The following MID2 variants were observed in gnomAD, a reference collection of about 807,000 sequenced individuals.
The protein encoded by MID2 is midline 2, also known as probable E3 ubiquitin-protein ligase MID2.
Under a neutral mutation model 46.1 loss-of-function variants are expected in MID2, and 13 were observed. That is an observed-to-expected ratio of 0.28 (90% CI 0.18 to 0.45). The LOEUF (loss-of-function observed/expected upper bound fraction) is 0.45. Ranked by LOEUF, MID2 falls within the 20% of genes least tolerant of loss-of-function variation. The pLI is 1.00. For missense variants in MID2, 431 were observed against 575.4 expected (o/e 0.75, Z 2.57); for synonymous variants, 199 against 212.3 (o/e 0.94, Z 0.55).
rs1424306998 is a variant in MID2, at chrX:107,909,413, T to G, written c.1073+3787T>G. The stretch of plus-strand genomic sequence containing the variant: ...CTTTCCCCAGCATTATGCAGTTTCC[T>G]CGCATGCATTTGTTGATCAGTATTC... On this transcript the variant is annotated intron_variant, in intron 5 of 9. Transcript: ENST00000262843. Among the ~76,000 whole-genome samples the G allele has an allele frequency of 2.7e-5, 3 of 111,898 alleles. No homozygotes were observed. The East Asian group carries it at 8.4e-4, about 31-fold the overall frequency.
In MID2 at chrX:107,910,989, G is replaced by A. The variant is rs966703751; in HGVS notation, c.1074-5013G>A. ...CTGCCTCAGCCTCCCTGGTAGCTGGGACTACAGGCTCACGCCATTACGCCC... is the reference window on the plus strand; with the variant it reads ...CTGCCTCAGCCTCCCTGGTAGCTGGAACTACAGGCTCACGCCATTACGCCC... On this transcript the variant is annotated intron_variant, in intron 5 of 9. Transcript: ENST00000262843. Among the ~76,000 whole-genome samples the A allele has an allele frequency of 7.8e-5, 8 of 102,381 alleles. No homozygotes were observed. The Admixed American group carries it at 8.8e-4, about 11-fold the overall frequency. 88.9% of individuals were successfully genotyped at this position (102,381 alleles called of 115,157 possible).
intron 1 of MID2, among the ~76,000 whole-genome samples, chrX:107,827,033 C>T (rs751066473): frequency 1.8e-5 from 2 of 112,864 alleles, no homozygotes; most frequent in South Asian, 7.3e-4. Flanking sequence ...AGAGGGAAAA[C>T]TTACATATGT....
At chrX:107,879,166 G>A (rs1181039789) in intron 3 of MID2, among the ~76,000 whole-genome samples, 1 of 111,908 alleles carries the variant, frequency 8.9e-6, no homozygotes, top group African/African-American at 3.2e-5. Flanking sequence ...TGCTCTTTCA[G>A]CTTTGCCATC....
intron 3 of MID2, among the ~76,000 whole-genome samples, chrX:107,878,204 C>T (rs1250787388): frequency 1.8e-5 from 2 of 110,985 alleles, no homozygotes; most frequent in East Asian, 5.7e-4. Flanking sequence ...TGTGGGGTCC[C>T]TGGGCCCCAA....
intron 3 of MID2, among the ~76,000 whole-genome samples, chrX:107,869,998 A>G (rs913392999): frequency 4.5e-5 from 5 of 111,581 alleles, no homozygotes; most frequent in East Asian, 5.6e-4. Context: ...GTTACTGGAA[A>G]GGGCCTTAGC....
chrX:107,909,261 C>T (rs1300983747), intron 5 of MID2, among the ~76,000 whole-genome samples: 1 of 111,505 alleles, frequency 9.0e-6, no homozygotes, highest in Non-Finnish European at 1.9e-5. Context: ...AGGCAAAACC[C>T]TTCTGAGTAC....
chrX:107,921,191 C>G (rs955560292), intron 7 of MID2, among the ~76,000 whole-genome samples: 1 of 111,718 alleles, frequency 9.0e-6, no homozygotes, highest in African/African-American at 3.2e-5. Context: ...TCTTGAACAA[C>G]ATTGACATTT....
Position 107,826,056 on chromosome X carries a change from G to A in MID2, c.-371G>A, listed in dbSNP as rs1263103074. 3.7e-5 allele frequency: 11 copies of A among 293,860 alleles called. 1 individual carries two copies. Among genetic ancestry groups the A allele is most frequent in the South Asian group, 4.2e-4 (2 of 4,799 alleles). 24.2% of individuals were successfully genotyped at this position (293,860 alleles called of 1,213,427 possible). On this transcript the variant is annotated 5_prime_UTR_variant, in exon 1 of 10. Coordinates refer to ENST00000262843, the MANE Select transcript of MID2 (RefSeq NM_012216.4). ...CCCCCACTCCGCCTCCCTTTTGGAA[G>A]GGATTGCCTTTTTTTTCCTCTGCGG...
intron 4 of MID2, among the ~76,000 whole-genome samples, chrX:107,904,697 A>T (rs984256526): frequency 2.7e-5 from 3 of 112,129 alleles, no homozygotes; most frequent in African/African-American, 6.5e-5. Context: ...AATATAAAAG[A>T]CGAATGAGAG....
intron 5 of MID2, among the ~76,000 whole-genome samples, chrX:107,913,165 T>TA (rs1932916397): frequency 1.8e-5 from 2 of 112,144 alleles, no homozygotes; most frequent in Non-Finnish European, 3.8e-5. Flanking sequence ...TATTTAGATA[T>TA]ATTTCACAAA....
At chrX:107,861,580 A>G (rs1189718984) in intron 3 of MID2, among the ~76,000 whole-genome samples, 1 of 111,942 alleles carries the variant, frequency 8.9e-6, no homozygotes, top group Non-Finnish European at 1.9e-5. Context: ...AGATCGTGCC[A>G]TTGCCCTCCA....
chrX:107,869,246 C>T (rs754438002), intron 3 of MID2, among the ~76,000 whole-genome samples: 9 of 111,255 alleles, frequency 8.1e-5, no homozygotes, highest in Non-Finnish European at 1.1e-4. Context: ...AGTCCTTTTC[C>T]TGTTGAGTGG....
At chrX:107,844,129 C>A (rs748859591) in intron 2 of MID2, among the ~76,000 whole-genome samples, 39 of 111,420 alleles carry the variant, frequency 3.5e-4, no homozygotes, top group African/African-American at 1.3e-3. Context: ...TTAGTGGCTT[C>A]TAATATTTAT....
intron 3 of MID2, among the ~76,000 whole-genome samples, chrX:107,903,453 A>G (rs1215292702): frequency 8.9e-6 from 1 of 111,902 alleles, no homozygotes; most frequent in Non-Finnish European, 1.9e-5. Context: ...CACGACAACT[A>G]TCTGAAAAAT....
At chrX:107,888,502 A>G (rs1336086789) in intron 3 of MID2, among the ~76,000 whole-genome samples, 2 of 111,779 alleles carry the variant, frequency 1.8e-5, no homozygotes, top group Non-Finnish European at 3.8e-5. Flanking sequence ...GTTTGTTATA[A>G]TTTCTGTTCT....
At chrX:107,895,630 T>C (rs764971544) in intron 3 of MID2, 5 of 112,646 alleles carry the variant, frequency 4.4e-5, no homozygotes, top group African/African-American at 1.6e-4. Flanking sequence ...AAAGCTGTTA[T>C]GACCATTCGT....
rs142967797 is a variant in MID2, at chrX:107,831,355, C to A, written c.4+4925C>A. 9.7e-3 allele frequency among the ~76,000 whole-genome samples: 1,091 copies of A among 112,019 alleles called. 7 individuals carry two copies. The highest frequency in any genetic ancestry group is 0.014 in the Non-Finnish European group (763 of 53,177). Reference sequence around the variant, plus strand: ...GAGACCGAACAATCTGATAACAAACCCATCATACAATCTGAAATCGTCCTG... The same window carrying A: ...GAGACCGAACAATCTGATAACAAACACATCATACAATCTGAAATCGTCCTG... On this transcript the variant is annotated intron_variant, in intron 1 of 9. Coordinates refer to ENST00000262843, the MANE Select transcript of MID2 (RefSeq NM_012216.4).
chrX:107,920,168 GCCA>G (rs1933043978), intron 7 of MID2, among the ~76,000 whole-genome samples: 1 of 112,312 alleles, frequency 8.9e-6, no homozygotes, highest in South Asian at 3.7e-4. Flanking sequence ...GGTCTGGCCT[GCCA>G]CAGTTGACTG....
chrX:107,867,049 C>A (rs1016492948), intron 3 of MID2, among the ~76,000 whole-genome samples: 3 of 112,661 alleles, frequency 2.7e-5, no homozygotes, highest in African/African-American at 9.7e-5. Context: ...CATTAAAAGC[C>A]ATGCTAAGAA....
Sources: gnomAD v4.1 joint callset for allele counts (sites outside exome capture counted in the v4.1 genomes callset) on GRCh38, gnomAD v4.1.1 for gene constraint, MANE v1.5 for transcripts, NCBI Gene and HGNC (gene_info 2026-07-23, HGNC 2026-07-21) for gene names.